MPP7: variants seen among roughly 807,000 people sequenced by gnomAD.
MPP7 encodes MAGUK p55 subfamily member 7.
In MPP7, 60 loss-of-function variants were observed where a neutral mutation model predicts 76.5. That is an observed-to-expected ratio of 0.78 (90% CI 0.64 to 0.97). The LOEUF is 0.97. Among genes scored for constraint, MPP7 ranks in the 50% least tolerant of loss-of-function variants. MPP7 has a pLI of 0.00. For synonymous variants in MPP7, 237 were observed against 244.5 expected (o/e 0.97, Z 0.29); for missense variants, 641 against 694.0 (o/e 0.92, Z 0.86).
intron 6 of MPP7, among the ~76,000 whole-genome samples, chr10:28,126,323 A>G (rs1033108460): frequency 6.6e-6 from 1 of 152,224 alleles, no homozygotes; most frequent in Non-Finnish European, 1.5e-5. Context: ...ATGACTGGAA[A>G]TGTAATATTC....
At chr10:28,172,383 G>A (rs1003557786) in intron 3 of MPP7, among the ~76,000 whole-genome samples, 8 of 152,324 alleles carry the variant, frequency 5.3e-5, no homozygotes, top group Admixed American at 3.9e-4. Flanking sequence ...ATGTAGGAAG[G>A]TTAAACAGCT....
intron 2 of MPP7, 31 bp from the exon 3 acceptor site, chr10:28,202,302 A>G: frequency 6.8e-7 from 1 of 1,468,432 alleles, no homozygotes; most frequent in East Asian, 2.3e-5. Flanking sequence ...ACAAAGTGTA[A>G]TCTTAGAGTG....
chr10:28,243,054 T>C (rs964308964), intron 1 of MPP7, among the ~76,000 whole-genome samples: 14 of 152,112 alleles, frequency 9.2e-5, no homozygotes, highest in African/African-American at 3.4e-4. Flanking sequence ...TTGTGAGTTA[T>C]ACTGGCTGCT....
intron 2 of MPP7, among the ~76,000 whole-genome samples, chr10:28,311,442 C>G (rs1841289044): frequency 6.6e-6 from 1 of 152,108 alleles, no homozygotes; most frequent in Admixed American, 6.5e-5. Flanking sequence ...GTAACATAGT[C>G]AAGAACTTCT....
At chr10:28,271,327 A>T (rs144816589) in intron 1 of MPP7, among the ~76,000 whole-genome samples, 1 of 152,222 alleles carries the variant, frequency 6.6e-6, no homozygotes, top group Non-Finnish European at 1.5e-5. Flanking sequence ...TTATAATACT[A>T]TCACAGGATT....
chr10:28,195,088 T>A (rs1400944916), intron 3 of MPP7, among the ~76,000 whole-genome samples: 1 of 152,146 alleles, frequency 6.6e-6, no homozygotes, highest in African/African-American at 2.4e-5. Flanking sequence ...AAGGATCCAA[T>A]TGGACATTTC....
At position 28,056,559 on chromosome 10, in the gene MPP7, A is replaced by G. The variant is rs1210806729; in HGVS notation, c.1472T>C (p.Ile491Thr). Residue 491 changes from isoleucine to threonine, a missense_variant, in exon 16 of 17, where the codon ATA (isoleucine) becomes ACA (threonine). Transcript: ENST00000683449. ...TTTTCTTGTTTCTCTCAAACGCTCT[A>G]TTGATGGAGGCTTTATAAATATCAC... ...PYVIFIKPPS[I>T]ERLRETRKNA... 2.5e-6 allele frequency: 4 copies of G among 1,612,222 alleles called. No homozygotes were observed. The highest frequency in any genetic ancestry group is 1.7e-5 in the Admixed American group (1 of 59,474).
intron 16 of MPP7, 57 bp from the exon 17 acceptor site, chr10:28,054,301 T>A: frequency 1.0e-6 from 1 of 976,872 alleles, no homozygotes; most frequent in Non-Finnish European, 1.5e-6. Flanking sequence ...CCTCACTTCA[T>A]ATCAATGCAA....
At position 28,326,743 on chromosome 10, in the gene MPP7, C is replaced by T. The variant is rs200348497; in HGVS notation, c.-132+3186G>A. On this transcript the variant is annotated intron_variant, in intron 2 of 11. Coordinates refer to the MPP7 transcript ENST00000441595. ...GTTCCTTAACATTCACCTGGCACAA[C>T]GCTCTCAACAGCAAAGCCAAGTGGC... Among the ~76,000 whole-genome samples, 43 of 152,332 alleles carry T rather than the reference C, an allele frequency of 2.8e-4. No individual in the cohort carries two copies. The East Asian group carries it at 6.0e-3, about 21-fold the overall frequency.
Position 28,069,789 on chromosome 10 carries a change from T to C in MPP7, c.1187A>G (p.Tyr396Cys), listed in dbSNP as rs752248253. ...GAACTCACGGGGCACTGTCACGCCATAGTGCTGGGTGTCACTGATCAGCAG... is the reference window on the plus strand; with the variant it reads ...GAACTCACGGGGCACTGTCACGCCACAGTGCTGGGTGTCACTGATCAGCAG... ...RKLLISDTQH[Y>C]GVTVPHTTRA... The change falls in exon 13 of 17, where the codon TAT becomes TGT. Residue 396 changes from tyrosine to cysteine, a missense_variant. Physicochemically the swap from Tyr to Cys is radical, Grantham distance 194. Transcript: ENST00000683449. 5.0e-6 allele frequency: 8 copies of C among 1,613,922 alleles called. No homozygotes were observed. The highest frequency in any genetic ancestry group is 2.2e-5 in the East Asian group (1 of 44,858).
chr10:28,130,847 T>C (rs1399174989), intron 6 of MPP7, among the ~76,000 whole-genome samples: 1 of 152,212 alleles, frequency 6.6e-6, no homozygotes, highest in Non-Finnish European at 1.5e-5. Context: ...AATACACTAA[T>C]TATATATTTG....
At chr10:28,309,834 C>G (rs1220032434) in intron 2 of MPP7, among the ~76,000 whole-genome samples, 1 of 79,628 alleles carries the variant, frequency 1.3e-5, no homozygotes, top group Non-Finnish European at 2.5e-5. Context: ...ACATCCCCTC[C>G]CTGGGGATTG....
chr10:28,332,365 C>T (rs1834479819), intron 1 of MPP7, among the ~76,000 whole-genome samples: 1 of 151,744 alleles, frequency 6.6e-6, no homozygotes, highest in Non-Finnish European at 1.5e-5. Flanking sequence ...TTCCCTCTTA[C>T]TTATGATGTA....
At position 28,166,400 on chromosome 10, in the gene MPP7, ATTTTTTTT is replaced by A. The variant is rs34887665; in HGVS notation, c.157-16349_157-16342del. Among the ~76,000 whole-genome samples the A allele has an allele frequency of 4.3e-5, 4 of 93,422 alleles. No individual in the cohort carries two copies. In the East Asian group the frequency reaches 1.4e-3, roughly 33 times the overall value. The allele number at this position is 93,422 out of a possible 152,430, so 61.3% of individuals were successfully genotyped here. A position where few individuals can be genotyped will look rare whatever the true frequency, so the allele number is the denominator to read the frequency against. ...TACCCAGATTATTTTTTACCTTTTA[ATTTTTTTT>A]TTTTTTTTTTTTTTTTGGGACAGAG... On this transcript the variant is annotated intron_variant, in intron 3 of 16. Transcript: ENST00000683449.
intron 5 of MPP7, among the ~76,000 whole-genome samples, chr10:28,140,942 G>A (rs2133724918): frequency 6.6e-6 from 1 of 152,164 alleles, no homozygotes; most frequent in South Asian, 2.1e-4. Flanking sequence ...CAACCCAAAT[G>A]TAAAACCTAA....
At chr10:28,200,234 T>C (rs1470720994) in intron 3 of MPP7, among the ~76,000 whole-genome samples, 2 of 152,090 alleles carry the variant, frequency 1.3e-5, no homozygotes, top group African/African-American at 2.4e-5. Flanking sequence ...TGAAAACGAA[T>C]AGAATGGGTC....
intron 15 of MPP7, chr10:28,057,928 C>T: frequency 8.8e-7 from 1 of 1,134,554 alleles, no homozygotes. Flanking sequence ...ATGGCCTCAT[C>T]CACTGAAGTT....
chr10:28,166,423 T>TG lies in MPP7; in HGVS notation c.157-16365_157-16364insC, dbSNP rs1836461962. Among the ~76,000 whole-genome samples, 392 of 140,380 alleles carry TG rather than the reference T, an allele frequency of 2.8e-3. 2 individuals are homozygous for TG. Among genetic ancestry groups the TG allele is most frequent in the African/African-American group, 0.011 (371 of 35,064 alleles). The allele number at this position is 140,380 out of a possible 152,430, so 92.1% of individuals were successfully genotyped here. The stretch of plus-strand genomic sequence containing the variant: ...TAATTTTTTTTTTTTTTTTTTTTTT[T>TG]TGGGACAGAGTTCTGGTCTTGTTGC... On this transcript the variant is annotated intron_variant, in intron 3 of 16. Coordinates refer to ENST00000683449, the MANE Select transcript of MPP7 (RefSeq NM_001318170.2).
At chr10:28,263,291 G>A (rs1306719153) in intron 1 of MPP7, among the ~76,000 whole-genome samples, 1 of 152,114 alleles carries the variant, frequency 6.6e-6, no homozygotes, top group Non-Finnish European at 1.5e-5. Flanking sequence ...TAAGAAATGA[G>A]GAATGTGACC....
Sources: allele counts gnomAD v4.1 joint callset (sites outside exome capture counted in the v4.1 genomes callset), GRCh38; gene constraint gnomAD v4.1.1; transcripts MANE v1.5; gene names NCBI Gene and HGNC (gene_info 2026-07-23, HGNC 2026-07-21).